The following SDK1 variants were observed in gnomAD, a reference collection of about 807,000 sequenced individuals.
The protein encoded by SDK1 is sidekick cell adhesion molecule 1.
Under a neutral mutation model 245.5 loss-of-function variants are expected in SDK1, and 157 were observed. That is an observed-to-expected ratio of 0.64 (90% CI 0.56 to 0.73). SDK1 has a LOEUF of 0.73. SDK1 is among the 30% of genes least tolerant of loss of function. SDK1 has a pLI of 0.00. For synonymous variants in SDK1, 1,647 were observed against 1,278.5 expected (o/e 1.29, Z -6.15); for missense variants, 3,583 against 3,002.3 (o/e 1.19, Z -4.52).
intron 1 of SDK1, among the ~76,000 whole-genome samples, chr7:3,388,531 A>C (rs990766589): frequency 6.6e-6 from 1 of 152,110 alleles, no homozygotes; most frequent in African/African-American, 2.4e-5. Flanking sequence ...TTCCCAAAGA[A>C]TTGTTATTAA....
At chr7:4,207,464 C>T (rs1784286505) in intron 36 of SDK1, among the ~76,000 whole-genome samples, 1 of 152,198 alleles carries the variant, frequency 6.6e-6, no homozygotes, top group Admixed American at 6.5e-5. Flanking sequence ...AAAAGCTAGA[C>T]AAGAGGAAAT....
chr7:4,079,384 T>A, intron 21 of SDK1, 79 bp from the exon 22 acceptor site: 1 of 1,535,952 alleles, frequency 6.5e-7, no homozygotes, highest in South Asian at 1.2e-5. Context: ...TGTTTACTTT[T>A]GAAGCTGACA....
chr7:3,513,593 G>A (rs1048670069), intron 1 of SDK1, among the ~76,000 whole-genome samples: 1 of 152,114 alleles, frequency 6.6e-6, no homozygotes, highest in Admixed American at 6.5e-5. Flanking sequence ...TAAATTATTA[G>A]TGGGCATTTT....
At chr7:3,395,390 G>T (rs1010872888) in intron 1 of SDK1, among the ~76,000 whole-genome samples, 16 of 151,644 alleles carry the variant, frequency 1.1e-4, no homozygotes, top group African/African-American at 3.4e-4. Flanking sequence ...GAGGATTTTT[G>T]CATCTGTGTT....
At chr7:3,346,194 C>T (rs566420318) in intron 1 of SDK1, among the ~76,000 whole-genome samples, 2 of 152,222 alleles carry the variant, frequency 1.3e-5, no homozygotes, top group Admixed American at 1.3e-4. Flanking sequence ...AAATGCTGCT[C>T]ATAATAAAGC....
chr7:3,416,365 A>G (rs1204940583), intron 1 of SDK1, among the ~76,000 whole-genome samples: 1 of 151,830 alleles, frequency 6.6e-6, no homozygotes, highest in East Asian at 1.9e-4. Context: ...CTTTCTCTTT[A>G]TTAACTTCTC....
chr7:3,904,391 A>AAT (rs1781893996), intron 5 of SDK1, among the ~76,000 whole-genome samples: 1 of 152,244 alleles, frequency 6.6e-6, no homozygotes, highest in South Asian at 2.1e-4. Context: ...AATATAATAT[A>AAT]ATATAAATAT....
At chr7:3,593,007 G>A (rs1255813518) in intron 1 of SDK1, among the ~76,000 whole-genome samples, 2 of 152,186 alleles carry the variant, frequency 1.3e-5, no homozygotes, top group African/African-American at 4.8e-5. Flanking sequence ...GAAACGCATT[G>A]CTGACACCTG....
chr7:4,266,739 G>T lies in SDK1; in HGVS notation c.*1355G>T. 1.0e-6 allele frequency: 1 copy of T among 985,438 alleles called. No individual in the cohort carries two copies. Among genetic ancestry groups the T allele is most frequent in the Non-Finnish European group, 1.2e-6 (1 of 829,944 alleles). The allele number at this position is 985,438 out of a possible 1,614,324, so 61.0% of individuals were successfully genotyped here. A position where few individuals can be genotyped will look rare whatever the true frequency, so the allele number is the denominator to read the frequency against. The stretch of plus-strand genomic sequence containing the variant: ...GCTGCCATGGTCCACCCCTCAGCCC[G>T]GGTCCCGGGTCTGGATGGAACGGGA... On this transcript the variant is annotated 3_prime_UTR_variant, in exon 45 of 45. Transcript: ENST00000404826.
chr7:4,203,694 C>G (rs1373926835), intron 35 of SDK1, among the ~76,000 whole-genome samples: 2 of 152,208 alleles, frequency 1.3e-5, no homozygotes, highest in East Asian at 1.9e-4. Flanking sequence ...AATGGCAGAG[C>G]CTTCCTGAAA....
intron 16 of SDK1, among the ~76,000 whole-genome samples, chr7:4,016,515 C>T (rs1434304716): frequency 6.6e-6 from 1 of 152,220 alleles, no homozygotes; most frequent in Non-Finnish European, 1.5e-5. Flanking sequence ...TTTATACACC[C>T]TAAGTCCTGA....
chr7:3,538,042 T>G (rs927281481), intron 1 of SDK1, among the ~76,000 whole-genome samples: 3 of 152,158 alleles, frequency 2.0e-5, no homozygotes, highest in African/African-American at 7.2e-5. Context: ...CGTGGAGTCT[T>G]TCTTATTTTG....
intron 5 of SDK1, among the ~76,000 whole-genome samples, chr7:3,914,113 T>C (rs1456034555): frequency 6.6e-6 from 1 of 152,344 alleles, no homozygotes; most frequent in East Asian, 1.9e-4. Context: ...TTGCATTTAG[T>C]GCAAACCCAT....
At chr7:3,422,405 A>G (rs1779557859) in intron 1 of SDK1, among the ~76,000 whole-genome samples, 1 of 152,232 alleles carries the variant, frequency 6.6e-6, no homozygotes, top group Non-Finnish European at 1.5e-5. Context: ...AATCTAAATA[A>G]ATGTTAGTAG....
chr7:3,537,276 T>C (rs879857266), intron 1 of SDK1, among the ~76,000 whole-genome samples: 4 of 152,266 alleles, frequency 2.6e-5, no homozygotes, highest in Admixed American at 2.6e-4. Context: ...TTACAGATCT[T>C]ATGACTGTCT....
chr7:4,175,147 G>C (rs963398216), intron 33 of SDK1, among the ~76,000 whole-genome samples: 7 of 152,204 alleles, frequency 4.6e-5, no homozygotes, highest in African/African-American at 1.7e-4. Flanking sequence ...CAGCTCCTAT[G>C]CTCCTATGCT....
intron 4 of SDK1, among the ~76,000 whole-genome samples, chr7:3,783,862 T>G (rs1780822892): frequency 6.6e-6 from 1 of 151,838 alleles, no homozygotes; most frequent in Admixed American, 6.6e-5. Context: ...TTCTAAAATT[T>G]ATGTAGAAAC....
chr7:3,921,961 G>C (rs981158998), intron 5 of SDK1, among the ~76,000 whole-genome samples: 6 of 152,096 alleles, frequency 3.9e-5, no homozygotes, highest in African/African-American at 1.4e-4. Context: ...GTTAGGCCCT[G>C]TCTCCAAAAT....
chr7:3,609,729 C>A (rs1781533125), intron 1 of SDK1, among the ~76,000 whole-genome samples: 1 of 130,000 alleles, frequency 7.7e-6, no homozygotes. Context: ...AAGACAGAGT[C>A]TCACTCCCTT....
Sources: allele counts gnomAD v4.1 joint callset (sites outside exome capture counted in the v4.1 genomes callset), GRCh38; gene constraint gnomAD v4.1.1; transcripts MANE v1.5; gene names NCBI Gene and HGNC (gene_info 2026-07-23, HGNC 2026-07-21).